KLF12: variants seen among roughly 807,000 people sequenced by gnomAD.
The protein encoded by KLF12 is KLF transcription factor 12, also known as Krueppel-like factor 12.
KLF12 carries 9 observed loss-of-function variants against 37.8 expected under a neutral mutation model. The ratio of observed to expected loss-of-function variants is 0.24; its 90% CI spans 0.14 to 0.42. The LOEUF is 0.42. KLF12 is among the 10% of genes least tolerant of loss of function. The probability of loss-of-function intolerance (pLI) is 1.00; values close to 1 mark genes in which losing one functional copy is unlikely to be tolerated. For missense variants in KLF12, 411 were observed against 516.0 expected, an observed-to-expected ratio of 0.80 and a Z score of 1.97; for synonymous variants, 208 against 202.1, an observed-to-expected ratio of 1.03 and a Z score of -0.25.
intron 1 of KLF12, among the ~76,000 whole-genome samples, chr13:74,029,151 GAC>G (rs1222279177): frequency 2.0e-5 from 3 of 152,036 alleles, no homozygotes; most frequent in Non-Finnish European, 2.9e-5. Context: ...TAAACAGTGG[GAC>G]TAAGACCAAC....
chr13:74,095,460 C>A (rs1450492003), intron 1 of KLF12, among the ~76,000 whole-genome samples: 1 of 151,968 alleles, frequency 6.6e-6, no homozygotes, highest in Non-Finnish European at 1.5e-5. Flanking sequence ...GTGATAATAG[C>A]TCACTGCAGC....
At chr13:74,215,337 T>G in the KLF12 span, among the ~76,000 whole-genome samples, 1 of 151,898 alleles carries the variant, frequency 6.6e-6, no homozygotes, top group Non-Finnish European at 1.5e-5. Context: ...TGTTAAAAGT[T>G]ATTATCTGAT....
the KLF12 span, among the ~76,000 whole-genome samples, chr13:74,293,299 C>T: frequency 6.6e-6 from 1 of 152,098 alleles, no homozygotes. Context: ...CTGGTGTACC[C>T]TTTCTGAGGT....
At chr13:73,833,662 CCAGATCTTTTGT>C (rs1370676618) in intron 4 of KLF12, among the ~76,000 whole-genome samples, 1 of 152,016 alleles carries the variant, frequency 6.6e-6, no homozygotes, top group African/African-American at 2.4e-5. Context: ...GGCATTTGAG[CCAGATCTTTTGT>C]CAGAGAAAGA....
chr13:74,217,721 C>T, the KLF12 span, among the ~76,000 whole-genome samples: 4 of 152,156 alleles, frequency 2.6e-5, no homozygotes, highest in Non-Finnish European at 4.4e-5. Flanking sequence ...AGTGAGACTC[C>T]GTCTCAAAAA....
the KLF12 span, among the ~76,000 whole-genome samples, chr13:74,172,781 T>A: frequency 2.0e-5 from 3 of 152,160 alleles, no homozygotes; most frequent in African/African-American, 7.2e-5. Flanking sequence ...AAGAAGAGCA[T>A]GGGCGACCTG....
At chr13:74,143,142 GTCT>G in the KLF12 span, among the ~76,000 whole-genome samples, 7 of 143,166 alleles carry the variant, frequency 4.9e-5, no homozygotes, top group South Asian at 2.2e-4. Context: ...GTCCTATTCC[GTCT>G]TCTTCTCCTT....
intron 2 of KLF12, among the ~76,000 whole-genome samples, chr13:73,975,696 T>C (rs1290987005): frequency 6.6e-6 from 1 of 152,214 alleles, no homozygotes; most frequent in Admixed American, 6.5e-5. Context: ...CAGGTATATT[T>C]CTCTGAGCAC....
At chr13:74,294,556 AT>A in the KLF12 span, among the ~76,000 whole-genome samples, 4 of 151,914 alleles carry the variant, frequency 2.6e-5, no homozygotes, top group African/African-American at 9.7e-5. Context: ...TTTAATAGAG[AT>A]GGGGTTTCAC....
At chr13:73,887,136 A>T (rs1887268376) in intron 3 of KLF12, among the ~76,000 whole-genome samples, 1 of 152,232 alleles carries the variant, frequency 6.6e-6, no homozygotes, top group Non-Finnish European at 1.5e-5. Flanking sequence ...CAAAAATAGA[A>T]ATTGGTGATA....
the KLF12 span, among the ~76,000 whole-genome samples, chr13:74,174,166 C>G: frequency 6.6e-6 from 1 of 152,062 alleles, no homozygotes; most frequent in Non-Finnish European, 1.5e-5. Flanking sequence ...ACCCATAATC[C>G]AATCTTTGCC....
chr13:74,048,424 G>GTT (rs146718214), intron 1 of KLF12, among the ~76,000 whole-genome samples: 2,624 of 148,658 alleles, frequency 0.018, 33 homozygotes, highest in Non-Finnish European at 0.026. Context: ...CTCAAGGACT[G>GTT]TTTTTTTTTT....
intron 5 of KLF12, among the ~76,000 whole-genome samples, chr13:73,807,950 G>C (rs1244460367): frequency 6.6e-6 from 1 of 152,112 alleles, no homozygotes; most frequent in South Asian, 2.1e-4. Context: ...ATTAATAAAT[G>C]AGCATTATGA....
intron 1 of KLF12, among the ~76,000 whole-genome samples, chr13:74,111,934 G>A (rs1876996103): frequency 6.6e-6 from 1 of 152,086 alleles, no homozygotes; most frequent in African/African-American, 2.4e-5. Flanking sequence ...ATTTGTTTAA[G>A]GCTAGAAAGT....
chr13:74,001,485 GTAAA>G lies in KLF12; in HGVS notation c.-31-6436_-31-6433del, dbSNP rs543795276. Among the ~76,000 whole-genome samples, 13 of 152,264 alleles carry G rather than the reference GTAAA, an allele frequency of 8.5e-5. No homozygotes were observed. The South Asian group carries it at 2.7e-3, about 32-fold the overall frequency. ...ACAGCTAGGTACAGGACATTATGGG[GTAAA>G]TAGTTAAAAGTTTTAGATACTAGAG... On this transcript the variant is annotated intron_variant, in intron 1 of 7. Transcript: ENST00000377669.
At chr13:73,787,581 C>T (rs948596068) in intron 5 of KLF12, among the ~76,000 whole-genome samples, 1 of 152,090 alleles carries the variant, frequency 6.6e-6, no homozygotes, top group South Asian at 2.1e-4. Context: ...TAGATAGGTA[C>T]GTTGCTTGTG....
chr13:73,825,397 G>A (rs1883780745), intron 4 of KLF12, among the ~76,000 whole-genome samples: 1 of 152,220 alleles, frequency 6.6e-6, no homozygotes. Context: ...TCTCGAGACA[G>A]TCCAGGTGCA....
the KLF12 span, among the ~76,000 whole-genome samples, chr13:74,305,069 C>T: frequency 6.6e-6 from 1 of 151,996 alleles, no homozygotes; most frequent in East Asian, 1.9e-4. Flanking sequence ...TCCCTTCTCC[C>T]CACTCATTCT....
chr13:73,883,987 T>C (rs927271521), intron 3 of KLF12, among the ~76,000 whole-genome samples: 3 of 152,170 alleles, frequency 2.0e-5, no homozygotes, highest in East Asian at 3.9e-4. Flanking sequence ...CTTTCTGAGG[T>C]ACCTTCTCCG....
Sources: allele counts gnomAD v4.1 joint callset (sites outside exome capture counted in the v4.1 genomes callset), GRCh38; gene constraint gnomAD v4.1.1; transcripts MANE v1.5; gene names NCBI Gene and HGNC (gene_info 2026-07-23, HGNC 2026-07-21).